The following NAB1 variants were observed in gnomAD, a reference collection of about 807,000 sequenced individuals.
NAB1 encodes NGFI-A binding protein 1, also known as NGFI-A-binding protein 1.
Under a neutral mutation model 49.9 loss-of-function variants are expected in NAB1, and 25 were observed. That is an observed-to-expected ratio of 0.50 (90% CI 0.37 to 0.70). NAB1 has a LOEUF of 0.70. NAB1 is among the 30% of genes least tolerant of loss of function. The pLI is 0.00. For synonymous variants in NAB1, 198 were observed against 215.6 expected (o/e 0.92, Z 0.71); for missense variants, 489 against 575.9 (o/e 0.85, Z 1.54).
rs1693810712 is a variant in NAB1, at chr2:190,654,254, C to T, written c.-196-1723C>T. Among the ~76,000 whole-genome samples, 1 of 152,208 alleles carries T rather than the reference C, an allele frequency of 6.6e-6. No homozygotes were observed. Among genetic ancestry groups the T allele is most frequent in the South Asian group, 2.1e-4 (1 of 4,836 alleles). ...GTGCCATGACTCCTTCACAGCTGCACAGCATTTACCACATTGTTTAAGTCT... is the reference window on the plus strand; with the variant it reads ...GTGCCATGACTCCTTCACAGCTGCATAGCATTTACCACATTGTTTAAGTCT... On this transcript the variant is annotated intron_variant, in intron 2 of 9. Coordinates refer to ENST00000337386, the MANE Select transcript of NAB1 (RefSeq NM_005966.4). This position sits in a 1 kb window ranked among gnomAD's most constrained non-coding sequence, Gnocchi z 5.6.
Position 190,679,008 on chromosome 2 carries a change from ACCAGCCT to A in NAB1, c.1006-4727_1006-4721del, listed in dbSNP as rs946770193. ...TGGGATGAGAGTAATTAGGTCATGC[ACCAGCCT>A]CCGTCCCATAGCTTTTATTTTCTCA... On this transcript the variant is annotated intron_variant, in intron 6 of 9. Coordinates refer to ENST00000337386, the MANE Select transcript of NAB1 (RefSeq NM_005966.4). The surrounding 1 kb of genome is among the most constrained non-coding windows in gnomAD (Gnocchi z 5.3). 2.0e-5 allele frequency among the ~76,000 whole-genome samples: 3 copies of A among 152,188 alleles called. No individual in the cohort carries two copies. Among genetic ancestry groups the A allele is most frequent in the African/African-American group, 7.2e-5 (3 of 41,448 alleles).
chr2:190,681,275 C>CTA (rs752272356), intron 6 of NAB1, among the ~76,000 whole-genome samples: 2 of 152,172 alleles, frequency 1.3e-5, no homozygotes, highest in Non-Finnish European at 2.9e-5. Context: ...AACATAGGGA[C>CTA]TGGTATATTG....
chr2:190,674,863 C>CA lies in NAB1; in HGVS notation c.1005+1713dup, dbSNP rs373773102. On this transcript the variant is annotated intron_variant, in intron 6 of 9. Coordinates refer to ENST00000337386, the MANE Select transcript of NAB1 (RefSeq NM_005966.4). The surrounding 1 kb of genome is among the most constrained non-coding windows in gnomAD (Gnocchi z 5.7). ...CTCAGGAGGTCGAGACCAGCCTGGG[C>CA]AACATGGGGAGACCCTGTCTCTACC... Among the ~76,000 whole-genome samples the CA allele has an allele frequency of 1.9e-4, 29 of 152,278 alleles. No homozygotes were observed. The highest frequency in any genetic ancestry group is 6.7e-4 in the African/African-American group (28 of 41,546).
At chr2:190,649,070 A>ATCC (rs1693498197), upstream of NAB1, 1 of 128,436 alleles carries the variant, frequency 7.8e-6, no homozygotes, top group East Asian at 2.6e-4. The surrounding 1 kb of genome is among the most constrained non-coding windows in gnomAD (Gnocchi z 6.1). Context: ...GCGGCGGGGG[A>ATCC]GGCGCTGCCG....
At chr2:190,650,788 A>T (rs998175399) in intron 2 of NAB1, among the ~76,000 whole-genome samples, 2 of 152,118 alleles carry the variant, frequency 1.3e-5, no homozygotes, top group Non-Finnish European at 2.9e-5. Context: ...TATTATCTTT[A>T]AGTTTAAAAG....
chr2:190,685,028 T>C lies in NAB1; in HGVS notation c.1096-448T>C, dbSNP rs1026948079. On this transcript the variant is annotated intron_variant, in intron 7 of 9. Transcript: ENST00000337386. This position sits in a 1 kb window ranked among gnomAD's most constrained non-coding sequence, Gnocchi z 4.5. ...TTCTTCTAGACAGCCGTTTTACACC[T>C]TTTCTCCCCCAAACATATTGTCATC... Among the ~76,000 whole-genome samples, 2 of 152,306 alleles carry C rather than the reference T, an allele frequency of 1.3e-5. No homozygotes were observed. The highest frequency in any genetic ancestry group is 4.1e-4 in the South Asian group (2 of 4,830).
At chr2:190,690,155 T>A (rs778069875) in intron 9 of NAB1, 90 bp from the exon 10 acceptor site, 16 of 912,592 alleles carry the variant, frequency 1.8e-5, no homozygotes, top group Non-Finnish European at 2.8e-5. Flanking sequence ...CTATTTGATA[T>A]GGAGTTTGGG....
rs71027237 is a variant in NAB1 at position 190,664,586 on chromosome 2, C to CTTTTTTTT, written c.819+4612_819+4619dup. 7.0e-4 allele frequency among the ~76,000 whole-genome samples: 43 copies of CTTTTTTTT among 61,152 alleles called. 1 individual carries two copies. Among genetic ancestry groups the CTTTTTTTT allele is most frequent in the East Asian group, 1.1e-3 (2 of 1,900 alleles). The allele number at this position is 61,152 out of a possible 152,430, so 40.1% of individuals were successfully genotyped here. A position where few individuals can be genotyped will look rare whatever the true frequency, so the allele number is the denominator to read the frequency against. On this transcript the variant is annotated intron_variant, in intron 4 of 9. Coordinates refer to ENST00000337386, the MANE Select transcript of NAB1 (RefSeq NM_005966.4). Reference sequence around the variant, plus strand: ...TCTTCCTCTCTTTCTTTCTTCTTTCCTTTTTTTTTTTTTTTTTTTTTTTTT... The same window carrying CTTTTTTTT: ...TCTTCCTCTCTTTCTTTCTTCTTTCCTTTTTTTTTTTTTTTTTTTTTTTTTTTTTTTTT...
chr2:190,683,851 C>T (rs1695476719), intron 7 of NAB1, 24 bp downstream of exon 7: 1 of 1,550,732 alleles, frequency 6.4e-7, no homozygotes, highest in Non-Finnish European at 8.9e-7. Context: ...CCAGTTATTA[C>T]TCCATGATAG....
At position 190,686,853 on chromosome 2, in the gene NAB1, T is replaced by A. The variant is rs185886065; in HGVS notation, c.1259-348T>A. On this transcript the variant is annotated intron_variant, in intron 8 of 9. Coordinates refer to ENST00000337386, the MANE Select transcript of NAB1 (RefSeq NM_005966.4). The surrounding 1 kb of genome is among the most constrained non-coding windows in gnomAD (Gnocchi z 5.5). ...TGTGTCTTTCTAGTACTTGTTATTA[T>A]ATGATTAATGACATGCCTTGGTAAA... is the stretch of plus-strand genomic sequence containing the variant. Among the ~76,000 whole-genome samples the A allele has an allele frequency of 1.2e-4, 18 of 152,224 alleles. No individual in the cohort carries two copies. The highest frequency in any genetic ancestry group is 4.1e-4 in the African/African-American group (17 of 41,548).
In NAB1 at chr2:190,659,106, G is replaced by A; in HGVS notation, c.-19-52G>A. Reference sequence around the variant, plus strand: ...CTGTAGTGTAACCTATTTGGTGTAAGGAGTTTGAAGCAAGTATGATGAGTT... The same window carrying A: ...CTGTAGTGTAACCTATTTGGTGTAAAGAGTTTGAAGCAAGTATGATGAGTT... On this transcript the variant is annotated intron_variant, in intron 3 of 9. Transcript: ENST00000337386. The surrounding 1 kb of genome is among the most constrained non-coding windows in gnomAD (Gnocchi z 6.2). The A allele has an allele frequency of 8.2e-7, 1 of 1,215,356 alleles. No homozygotes were observed. The highest frequency in any genetic ancestry group is 1.1e-6 in the Non-Finnish European group (1 of 877,908). The allele number at this position is 1,215,356 out of a possible 1,614,324, so 75.3% of individuals were successfully genotyped here.
rs923322040 is a variant in NAB1 at position 190,649,984 on chromosome 2, T to C, written c.-197+2T>C. The C allele has an allele frequency of 1.3e-5, 2 of 151,894 alleles. No individual in the cohort carries two copies. The highest frequency in any genetic ancestry group is 4.8e-5 in the African/African-American group (2 of 41,322). 9.4% of individuals were successfully genotyped at this position (151,894 alleles called of 1,614,324 possible). ...GACATACAAGCGTTGGATATAGAGG[T>C]GTGTGTGTGTGACCTTATCATGGAG... On this transcript the variant is annotated splice_donor_variant, in intron 2 of 9. Coordinates refer to ENST00000337386, the MANE Select transcript of NAB1 (RefSeq NM_005966.4). LOFTEE classifies it low-confidence loss of function (5UTR_SPLICE). This position sits in a 1 kb window ranked among gnomAD's most constrained non-coding sequence, Gnocchi z 6.1.
chr2:190,667,914 T>C lies in NAB1; in HGVS notation c.820-2412T>C, dbSNP rs1394683143. Among the ~76,000 whole-genome samples, 1 of 151,912 alleles carries C rather than the reference T, an allele frequency of 6.6e-6. No homozygotes were observed. Among genetic ancestry groups the C allele is most frequent in the East Asian group, 1.9e-4 (1 of 5,196 alleles). ...GGCTAATGACAAACTTAAAAAAAAA[T>C]CCCATTACATATGATGAAGAGTTAA... is the stretch of plus-strand genomic sequence containing the variant. On this transcript the variant is annotated intron_variant, in intron 4 of 9. Coordinates refer to ENST00000337386, the MANE Select transcript of NAB1 (RefSeq NM_005966.4). This position sits in a 1 kb window ranked among gnomAD's most constrained non-coding sequence, Gnocchi z 4.4.
In NAB1 at chr2:190,666,873, C is replaced by T. The variant is rs1422248037; in HGVS notation, c.820-3453C>T. Among the ~76,000 whole-genome samples, 7 of 152,148 alleles carry T rather than the reference C, an allele frequency of 4.6e-5. No individual in the cohort carries two copies. The highest frequency in any genetic ancestry group is 4.6e-4 in the Admixed American group (7 of 15,280). Reference sequence around the variant, plus strand: ...AGTATTGGCATTCAGAAAAAGCTAACAGTGCTGCTGCAAGTGACGGGAATA... The same window carrying T: ...AGTATTGGCATTCAGAAAAAGCTAATAGTGCTGCTGCAAGTGACGGGAATA... On this transcript the variant is annotated intron_variant, in intron 4 of 9. Coordinates refer to ENST00000337386, the MANE Select transcript of NAB1 (RefSeq NM_005966.4). The surrounding 1 kb of genome is among the most constrained non-coding windows in gnomAD (Gnocchi z 5.6).
Position 190,689,388 on chromosome 2 carries a change from T to TA in NAB1, c.1376-856dup, listed in dbSNP as rs1695801763. Among the ~76,000 whole-genome samples the TA allele has an allele frequency of 6.6e-6, 1 of 152,218 alleles. No homozygotes were observed. The highest frequency in any genetic ancestry group is 6.5e-5 in the Admixed American group (1 of 15,282). On this transcript the variant is annotated intron_variant, in intron 9 of 9. Transcript: ENST00000337386. The surrounding 1 kb of genome is among the most constrained non-coding windows in gnomAD (Gnocchi z 4.3). ...TCAATAAATAGTAGCTACTTTTTTT[T>TA]ACTACTCTTACGCGGAACTTAAAAT...
chr2:190,653,974 T>TA (rs1490256188), intron 2 of NAB1, among the ~76,000 whole-genome samples: 3 of 152,202 alleles, frequency 2.0e-5, no homozygotes, highest in African/African-American at 7.2e-5. Flanking sequence ...GATGCCCTGT[T>TA]ATTGGATTGG....
Position 190,657,133 on chromosome 2 carries a change from C to T in NAB1, c.-20+980C>T, listed in dbSNP as rs1026894490. On this transcript the variant is annotated intron_variant, in intron 3 of 9. Transcript: ENST00000337386. This position sits in a 1 kb window ranked among gnomAD's most constrained non-coding sequence, Gnocchi z 4.4. ...AATGTCCTTTCTTCCACCTCCAACA[C>T]TTTATAGCAGCCCTTCTATTTGGTA... Among the ~76,000 whole-genome samples the T allele has an allele frequency of 1.3e-5, 2 of 152,132 alleles. No individual in the cohort carries two copies. The highest frequency in any genetic ancestry group is 2.1e-4 in the South Asian group (1 of 4,836).
At position 190,663,538 on chromosome 2, in the gene NAB1, C is replaced by T. The variant is rs566377200; in HGVS notation, c.819+3543C>T. On this transcript the variant is annotated intron_variant, in intron 4 of 9. Coordinates refer to ENST00000337386, the MANE Select transcript of NAB1 (RefSeq NM_005966.4). This position sits in a 1 kb window ranked among gnomAD's most constrained non-coding sequence, Gnocchi z 4.2. ...TAGTTGTGACACAGGCTGTTTGGCC[C>T]GTAAAGCCTAAAATATTTACTCTCT... is the stretch of plus-strand genomic sequence containing the variant. 4.6e-5 allele frequency among the ~76,000 whole-genome samples: 7 copies of T among 152,060 alleles called. No homozygotes were observed. Among genetic ancestry groups the T allele is most frequent in the African/African-American group, 1.2e-4 (5 of 41,386 alleles).
chr2:190,690,648 G>A lies in NAB1; in HGVS notation c.*315G>A, dbSNP rs1695905206. On this transcript the variant is annotated 3_prime_UTR_variant, in exon 10 of 10. Coordinates refer to ENST00000337386, the MANE Select transcript of NAB1 (RefSeq NM_005966.4). Reference sequence around the variant, plus strand: ...TTATTTAAGAATGTACAATGTATTTGTGTAATTTATAGAAGTAAAATCTAG... The same window carrying A: ...TTATTTAAGAATGTACAATGTATTTATGTAATTTATAGAAGTAAAATCTAG... 1 of 203,014 alleles carries A rather than the reference G, an allele frequency of 4.9e-6. No individual in the cohort carries two copies. Among genetic ancestry groups the A allele is most frequent in the Non-Finnish European group, 1.0e-5 (1 of 99,688 alleles). The allele number at this position is 203,014 out of a possible 1,614,324, so 12.6% of individuals were successfully genotyped here. A position where few individuals can be genotyped will look rare whatever the true frequency, so the allele number is the denominator to read the frequency against.
Sources: allele counts gnomAD v4.1 joint callset (sites outside exome capture counted in the v4.1 genomes callset), GRCh38; gene constraint gnomAD v4.1.1; non-coding constraint Gnocchi (gnomAD v3.1); transcripts MANE v1.5; gene names NCBI Gene and HGNC (gene_info 2026-07-23, HGNC 2026-07-21).